Variants in PLD5 observed in about 807,000 individuals in gnomAD.
The protein encoded by PLD5 is inactive phospholipase D5.
A neutral mutation model predicts 61.1 loss-of-function variants in PLD5; 36 were observed. The ratio of observed to expected loss-of-function variants is 0.59; its 90% confidence interval spans 0.45 to 0.78. The LOEUF (loss-of-function observed/expected upper bound fraction) is 0.78. PLD5 is among the 30% of genes least tolerant of loss of function. The pLI is 0.00. For synonymous variants in PLD5, 243 were observed against 242.8 expected, an observed-to-expected ratio of 1.00 and a Z score of -0.01; for missense variants, 515 against 644.4, an observed-to-expected ratio of 0.80 and a Z score of 2.17.
intron 5 of PLD5, among the ~76,000 whole-genome samples, chr1:242,139,538 C>G (rs945544637): frequency 6.6e-6 from 1 of 151,726 alleles, no homozygotes; most frequent in Non-Finnish European, 1.5e-5. Flanking sequence ...CGAGGGAGAC[C>G]CTATACTGGT....
chr1:242,181,331 A>G (rs2148901875), intron 5 of PLD5, among the ~76,000 whole-genome samples: 1 of 152,338 alleles, frequency 6.6e-6, no homozygotes, highest in Middle Eastern at 3.4e-3. Context: ...GCTATTGAAC[A>G]CTTAAAATGT....
intron 1 of PLD5, among the ~76,000 whole-genome samples, chr1:242,500,217 C>T (rs1668510129): frequency 6.6e-6 from 1 of 152,150 alleles, no homozygotes; most frequent in South Asian, 2.1e-4. Flanking sequence ...GTTTAAAAAC[C>T]ACTGTGCTAA....
At chr1:242,338,070 G>A (rs1299369745) in intron 2 of PLD5, among the ~76,000 whole-genome samples, 2 of 152,172 alleles carry the variant, frequency 1.3e-5, no homozygotes, top group African/African-American at 2.4e-5. Flanking sequence ...TTTGGAAGCT[G>A]AGGTCCTATG....
intron 1 of PLD5, among the ~76,000 whole-genome samples, chr1:242,415,830 C>A (rs546804511): frequency 4.6e-5 from 7 of 152,008 alleles, no homozygotes; most frequent in Non-Finnish European, 1.0e-4. Context: ...AAGTGGTTAC[C>A]TAAGGAAAGT....
chr1:242,166,514 T>A (rs1432759369), intron 5 of PLD5, among the ~76,000 whole-genome samples: 4 of 152,146 alleles, frequency 2.6e-5, no homozygotes, highest in Non-Finnish European at 5.9e-5. Flanking sequence ...ACTGCATACC[T>A]CCAGGCTTTT....
intron 4 of PLD5, among the ~76,000 whole-genome samples, chr1:242,246,854 G>C (rs1354636102): frequency 1.3e-5 from 2 of 152,120 alleles, no homozygotes; most frequent in Admixed American, 6.6e-5. Flanking sequence ...ATACATTTTA[G>C]GGAGACAGGA....
chr1:242,356,625 T>C (rs1247442471), intron 1 of PLD5, among the ~76,000 whole-genome samples: 1 of 151,400 alleles, frequency 6.6e-6, no homozygotes, highest in Non-Finnish European at 1.5e-5. Context: ...TGTAGTTACT[T>C]TCTTTCTTTC....
intron 1 of PLD5, among the ~76,000 whole-genome samples, chr1:242,462,773 C>T (rs766352194): frequency 3.3e-5 from 5 of 152,022 alleles, no homozygotes; most frequent in Non-Finnish European, 5.9e-5. Flanking sequence ...CACTTTGAGA[C>T]CATTCATTCT....
chr1:242,480,151 A>T (rs1667726746), intron 1 of PLD5, among the ~76,000 whole-genome samples: 1 of 152,348 alleles, frequency 6.6e-6, no homozygotes, highest in Non-Finnish European at 1.5e-5. Flanking sequence ...TGGTACTGGC[A>T]TAAGGATGGC....
intron 5 of PLD5, among the ~76,000 whole-genome samples, chr1:242,187,884 A>G (rs542993468): frequency 3.5e-4 from 53 of 152,346 alleles, no homozygotes; most frequent in African/African-American, 1.2e-3. Flanking sequence ...GTACGGGGCC[A>G]CAAAAGTTAC....
intron 6 of PLD5, among the ~76,000 whole-genome samples, chr1:242,122,217 C>T (rs932557250): frequency 1.3e-5 from 2 of 152,098 alleles, no homozygotes; most frequent in African/African-American, 2.4e-5. Context: ...ACAAAGGTAT[C>T]GAATTGTAGT....
At chr1:242,129,076 C>G (rs1479137106) in intron 5 of PLD5, among the ~76,000 whole-genome samples, 2 of 152,168 alleles carry the variant, frequency 1.3e-5, no homozygotes, top group African/African-American at 4.8e-5. Flanking sequence ...CCCCAAGACT[C>G]TCCTTATGAA....
intron 1 of PLD5, among the ~76,000 whole-genome samples, chr1:242,453,896 C>G (rs1220091038): frequency 6.6e-6 from 1 of 152,152 alleles, no homozygotes; most frequent in Non-Finnish European, 1.5e-5. Flanking sequence ...TTTGCCTGGC[C>G]ATTGGATATG....
intron 2 of PLD5, among the ~76,000 whole-genome samples, chr1:242,328,528 T>A (rs2149198253): frequency 6.6e-6 from 1 of 152,366 alleles, no homozygotes; most frequent in Admixed American, 6.5e-5. Flanking sequence ...ATTTATGTGT[T>A]CTATAAATAT....
chr1:242,300,526 AG>A (rs1337614480), intron 2 of PLD5, among the ~76,000 whole-genome samples: 1 of 151,926 alleles, frequency 6.6e-6, no homozygotes, highest in Non-Finnish European at 1.5e-5. Context: ...GAAGAACATC[AG>A]GGAGGCCAAT....
chr1:242,275,373 ATATT>A lies in PLD5; in HGVS notation c.496-9929_496-9926del, dbSNP rs953818132. On this transcript the variant is annotated intron_variant, in intron 3 of 9. Transcript: ENST00000536534. ...TGATATTTATTTACTTATATTACTT[ATATT>A]TATTTACTTACTTATATCTTACTGA... Among the ~76,000 whole-genome samples, 191 of 152,132 alleles carry A rather than the reference ATATT, an allele frequency of 1.3e-3. 1 individual carries two copies. Among genetic ancestry groups the A allele is most frequent in the African/African-American group, 4.4e-3 (183 of 41,540 alleles).
intron 5 of PLD5, among the ~76,000 whole-genome samples, chr1:242,205,264 T>A (rs1450034833): frequency 6.6e-6 from 1 of 152,224 alleles, no homozygotes; most frequent in Non-Finnish European, 1.5e-5. Context: ...TAAGTGATGC[T>A]CTTATTTCTT....
chr1:242,394,067 C>T (rs199518509), intron 1 of PLD5, among the ~76,000 whole-genome samples: 5,973 of 64,408 alleles, frequency 0.093, 243 homozygotes, highest in Admixed American at 0.12. Flanking sequence ...CAAAAAAAAA[C>T]ATATATATAT....
Position 242,161,796 on chromosome 1 carries a change from A to G in PLD5, c.736-37131T>C, listed in dbSNP as rs567698156. 2.6e-5 allele frequency among the ~76,000 whole-genome samples: 4 copies of G among 152,280 alleles called. No homozygotes were observed. In the East Asian group the frequency reaches 7.7e-4, roughly 29 times the overall value. On this transcript the variant is annotated intron_variant, in intron 5 of 9. Transcript: ENST00000536534. ...AAATGTCTAGCAGGGACTGTTAGAA[A>G]TATATTTGGTGCCCTTGATGATTTC...
Sources: allele counts gnomAD v4.1 joint callset (sites outside exome capture counted in the v4.1 genomes callset), GRCh38; gene constraint gnomAD v4.1.1; transcripts MANE v1.5; gene names NCBI Gene and HGNC (gene_info 2026-07-23, HGNC 2026-07-21).